Variants in PLPP3 observed in about 807,000 individuals in gnomAD.
PLPP3 encodes the protein PAP2 beta.
In PLPP3, 6 loss-of-function variants were observed where a neutral mutation model predicts 29.6. The observed-to-expected ratio is 0.20, with a 90% CI of 0.11 to 0.40. The LOEUF is 0.40. Among genes scored for constraint, PLPP3 ranks in the 10% least tolerant of loss-of-function variants. PLPP3 has a pLI of 1.00. For missense variants in PLPP3, 308 were observed against 407.7 expected (o/e 0.76, Z 2.11); for synonymous variants, 152 against 159.7 (o/e 0.95, Z 0.36).
Position 56,553,499 on chromosome 1 carries a change from C to T in PLPP3, c.140-16387G>A, listed in dbSNP as rs530132176. On this transcript the variant is annotated intron_variant, in intron 1 of 5. Coordinates refer to ENST00000371250, the MANE Select transcript of PLPP3 (RefSeq NM_003713.5). ...GAATGAGGTGCATTAAGGCCTCTTA[C>T]AGCCATGACACCACACCAGGTCCTG... 1.1e-4 allele frequency among the ~76,000 whole-genome samples: 17 copies of T among 152,318 alleles called. No homozygotes were observed. The South Asian group carries it at 3.5e-3, about 32-fold the overall frequency.
intron 1 of PLPP3, among the ~76,000 whole-genome samples, chr1:56,552,435 AT>A (rs1646046288): frequency 6.6e-6 from 1 of 152,216 alleles, no homozygotes; most frequent in South Asian, 2.1e-4. Context: ...AAAAAAATTG[AT>A]ATATAATTTA....
At chr1:56,537,206 C>T in intron 1 of PLPP3, 94 bp from the exon 2 acceptor site, 2 of 1,323,674 alleles carry the variant, frequency 1.5e-6, no homozygotes, top group Non-Finnish European at 2.1e-6. Flanking sequence ...AAGAAAAGAC[C>T]ATCCCAAATA....
chr1:56,507,631 T>C (rs142174664), intron 5 of PLPP3, among the ~76,000 whole-genome samples: 316 of 152,248 alleles, frequency 2.1e-3, no homozygotes, highest in African/African-American at 7.2e-3. Flanking sequence ...ACTGGGGAAG[T>C]TGTGGAAAGC....
intron 1 of PLPP3, among the ~76,000 whole-genome samples, chr1:56,537,567 T>TA (rs1293629578): frequency 1.3e-5 from 2 of 151,970 alleles, no homozygotes; most frequent in Non-Finnish European, 2.9e-5. Flanking sequence ...GGCCTTGGAG[T>TA]AAAAAAATCT....
At chr1:56,507,541 G>A (rs1645711815) in intron 5 of PLPP3, among the ~76,000 whole-genome samples, 1 of 152,176 alleles carries the variant, frequency 6.6e-6, no homozygotes, top group Admixed American at 6.5e-5. Flanking sequence ...ATGAGTAGAT[G>A]AGGCCTAAAG....
intron 1 of PLPP3, among the ~76,000 whole-genome samples, chr1:56,571,023 C>T (rs1646194135): frequency 6.6e-6 from 1 of 152,170 alleles, no homozygotes; most frequent in Non-Finnish European, 1.5e-5. Context: ...TGTCTTGTTC[C>T]TTTTTCTACT....
intron 1 of PLPP3, chr1:56,538,767 C>A: frequency 5.9e-6 from 1 of 169,768 alleles, no homozygotes; most frequent in Non-Finnish European, 1.3e-5. Flanking sequence ...GAGATAACTT[C>A]CTAAAAAACA....
chr1:56,557,011 A>AAAGAAAGAAG (rs1288738732), intron 1 of PLPP3, among the ~76,000 whole-genome samples: 1 of 15,978 alleles, frequency 6.3e-5, no homozygotes, highest in African/African-American at 2.0e-4. Context: ...AGAAAGAAAG[A>AAAGAAAGAAG]GAGAGAGAGA....
intron 5 of PLPP3, among the ~76,000 whole-genome samples, chr1:56,504,696 CCTTAT>C (rs1330676646): frequency 6.6e-6 from 1 of 152,176 alleles, no homozygotes; most frequent in Admixed American, 6.5e-5. Flanking sequence ...GAATTCCCTT[CCTTAT>C]CTTTTGTATC....
chr1:56,566,522 A>G (rs1253858598), intron 1 of PLPP3, among the ~76,000 whole-genome samples: 1 of 152,204 alleles, frequency 6.6e-6, no homozygotes, highest in African/African-American at 2.4e-5. Context: ...CTAGCACTCA[A>G]TAAATGTCAG....
In PLPP3 at chr1:56,578,917, C is replaced by G. The variant is rs1004200015; in HGVS notation, c.100G>C (p.Val34Leu). The change falls in exon 1 of 6, where the codon GTG (valine) becomes CTG (leucine). Residue 34 changes from valine to leucine, a missense_variant. By Grantham distance (32) the Val-to-Leu change is conservative. This residue lies in a region of PLPP3 where 67 missense variants were observed against 61.3 expected (regional missense o/e 1.09). Coordinates refer to ENST00000371250, the MANE Select transcript of PLPP3 (RefSeq NM_003713.5). ...AAGAGGTCGAGGCAGATGAGCAGCACCCGCTTGCTGCCGCTCCTCCTCGGG... is the reference window on the plus strand; with the variant it reads ...AAGAGGTCGAGGCAGATGAGCAGCAGCCGCTTGCTGCCGCTCCTCCTCGGG... Reference protein sequence around the residue: ...NNPRRSGSKRVLLICLDLFCL... With the variant: ...NNPRRSGSKRLLLICLDLFCL... 1 of 1,603,944 alleles carries G rather than the reference C, an allele frequency of 6.2e-7. No individual in the cohort carries two copies. The highest frequency in any genetic ancestry group is 1.1e-5 in the South Asian group (1 of 90,398).
chr1:56,557,698 A>T (rs904066970), intron 1 of PLPP3, among the ~76,000 whole-genome samples: 9 of 152,198 alleles, frequency 5.9e-5, no homozygotes, highest in African/African-American at 2.2e-4. Context: ...TCAAAGACAT[A>T]TAACATTGTC....
intron 1 of PLPP3, among the ~76,000 whole-genome samples, chr1:56,565,865 T>C (rs1646157971): frequency 6.6e-6 from 1 of 152,234 alleles, no homozygotes; most frequent in Admixed American, 6.5e-5. Context: ...TTCTTGCCCC[T>C]CTATGACACA....
intron 2 of PLPP3, 128 bp downstream of exon 2, chr1:56,536,827 G>A (rs1645930152): frequency 8.4e-7 from 1 of 1,194,642 alleles, no homozygotes; most frequent in Non-Finnish European, 1.2e-6. Context: ...CTTCCTTCTT[G>A]GCTAAATATA....
Position 56,579,200 on chromosome 1 carries a change from T to G in PLPP3, c.-184A>C. The G allele has an allele frequency of 7.5e-6, 5 of 664,896 alleles. No homozygotes were observed. The highest frequency in any genetic ancestry group is 1.2e-5 in the Non-Finnish European group (5 of 420,538). The allele number at this position is 664,896 out of a possible 1,614,324, so 41.2% of individuals were successfully genotyped here. On this transcript the variant is annotated 5_prime_UTR_variant, in exon 1 of 6. Coordinates refer to ENST00000371250, the MANE Select transcript of PLPP3 (RefSeq NM_003713.5). ...CTGCCTCCAACTGCAGAAGGTGGTG[T>G]TTTCTGCTCCTCCTGCGCGCCTCTG...
At chr1:56,567,742 GT>G (rs200895983) in intron 1 of PLPP3, among the ~76,000 whole-genome samples, 4,347 of 152,280 alleles carry the variant, frequency 0.029, 82 homozygotes, top group Non-Finnish European at 0.045. Flanking sequence ...ACGGAAAACA[GT>G]TTGGCAGTTC....
At chr1:56,536,740 A>G (rs1462632293) in intron 2 of PLPP3, among the ~76,000 whole-genome samples, 2 of 152,166 alleles carry the variant, frequency 1.3e-5, no homozygotes, top group Admixed American at 1.3e-4. Context: ...GTCTTTGAGT[A>G]CGTCATTTAA....
At chr1:56,499,515 T>C (rs765752088) in intron 5 of PLPP3, among the ~76,000 whole-genome samples, 1 of 152,210 alleles carries the variant, frequency 6.6e-6, no homozygotes, top group Non-Finnish European at 1.5e-5. Flanking sequence ...AAATTCTCTC[T>C]ACTTACTAGA....
intron 1 of PLPP3, among the ~76,000 whole-genome samples, chr1:56,548,478 C>G (rs1396868468): frequency 6.6e-6 from 1 of 152,100 alleles, no homozygotes; most frequent in African/African-American, 2.4e-5. Flanking sequence ...TACAAAATAC[C>G]CAACTGAAGT....
Sources: allele counts gnomAD v4.1 joint callset (sites outside exome capture counted in the v4.1 genomes callset), GRCh38; gene constraint gnomAD v4.1.1; regional missense constraint gnomAD v4.1.1; transcripts MANE v1.5; gene names NCBI Gene and HGNC (gene_info 2026-07-23, HGNC 2026-07-21).